COL23A1: variants seen among roughly 807,000 people sequenced by gnomAD.
The protein encoded by COL23A1 is collagen type XXIII alpha 1 chain.
Under a neutral mutation model 99.3 loss-of-function variants are expected in COL23A1, and 97 were observed. The ratio of observed to expected loss-of-function variants is 0.98; its 90% CI spans 0.83 to 1.16. COL23A1 has a LOEUF of 1.16. COL23A1 is among the 50% of genes most tolerant of loss of function. The pLI is 0.00. For missense variants in COL23A1, 762 were observed against 757.4 expected, an observed-to-expected ratio of 1.01 and a Z score of -0.07; for synonymous variants, 320 against 308.2, an observed-to-expected ratio of 1.04 and a Z score of -0.40.
At chr5:178,336,549 A>G (rs998173431) in intron 2 of COL23A1, among the ~76,000 whole-genome samples, 4 of 152,276 alleles carry the variant, frequency 2.6e-5, no homozygotes, top group African/African-American at 9.6e-5. Context: ...AACCAGAGAT[A>G]GCACAGACTG....
chr5:178,534,515 C>T (rs1037519908), intron 2 of COL23A1, among the ~76,000 whole-genome samples: 4 of 115,708 alleles, frequency 3.5e-5, no homozygotes, highest in Non-Finnish European at 8.4e-5. Context: ...GGCGGTGGCT[C>T]ACACCTGTTA....
chr5:178,527,954 A>G (rs1760408693), intron 2 of COL23A1, among the ~76,000 whole-genome samples: 1 of 152,250 alleles, frequency 6.6e-6, no homozygotes, highest in Non-Finnish European at 1.5e-5. Context: ...TTAAGTGTAC[A>G]TGAATCAGAA....
At chr5:178,509,252 C>CAAG (rs1363597859) in intron 2 of COL23A1, among the ~76,000 whole-genome samples, 2 of 147,840 alleles carry the variant, frequency 1.4e-5, no homozygotes, top group Non-Finnish European at 3.0e-5. Context: ...GACAGAGTCT[C>CAAG]ACTCTGTTGC....
chr5:178,495,622 G>C (rs1758156761), intron 2 of COL23A1, among the ~76,000 whole-genome samples: 1 of 152,126 alleles, frequency 6.6e-6, no homozygotes. Context: ...GATTATGAGG[G>C]AGGCTAGAAC....
intron 2 of COL23A1, among the ~76,000 whole-genome samples, chr5:178,390,884 T>C (rs1475535217): frequency 6.6e-6 from 1 of 152,212 alleles, no homozygotes. Context: ...AGTAGTGTGT[T>C]AATATGACAC....
At chr5:178,582,323 A>G (rs1581681028) in intron 1 of COL23A1, among the ~76,000 whole-genome samples, 1 of 151,698 alleles carries the variant, frequency 6.6e-6, no homozygotes, top group East Asian at 1.9e-4. Flanking sequence ...CGGCAGCAGG[A>G]GCTGGAGCGC....
chr5:178,405,109 C>T (rs1764688000), intron 2 of COL23A1, among the ~76,000 whole-genome samples: 1 of 152,246 alleles, frequency 6.6e-6, no homozygotes, highest in South Asian at 2.1e-4. Flanking sequence ...CCCGCATTCG[C>T]ACCACAGGCC....
chr5:178,441,254 G>A (rs1210592217), intron 2 of COL23A1, among the ~76,000 whole-genome samples: 1 of 152,176 alleles, frequency 6.6e-6, no homozygotes, highest in African/African-American at 2.4e-5. Context: ...ACACCCTACA[G>A]TTAAGACTGG....
At chr5:178,585,700 T>TCC (rs1562115431) in intron 1 of COL23A1, among the ~76,000 whole-genome samples, 18 of 142,074 alleles carry the variant, frequency 1.3e-4, no homozygotes, top group South Asian at 4.3e-4. Flanking sequence ...GGTAATGCCC[T>TCC]ACAGCCCTGG....
intron 3 of COL23A1, among the ~76,000 whole-genome samples, chr5:178,294,309 CAGCTCCCTCCCCAAATCACTACCG>C (rs1757622179): frequency 8.6e-5 from 1 of 11,640 alleles, no homozygotes; most frequent in Non-Finnish European, 3.5e-4. Context: ...AATCACTACC[CAGCTCCCTCCCCAAATCACTACCG>C]AGCTCCCTCC....
intron 2 of COL23A1, among the ~76,000 whole-genome samples, chr5:178,447,274 A>G (rs1341304265): frequency 6.6e-6 from 1 of 151,934 alleles, no homozygotes; most frequent in Non-Finnish European, 1.5e-5. Flanking sequence ...TTGTATTTTT[A>G]GTAGAGATGG....
chr5:178,408,973 A>ACAC (rs1189863769), intron 2 of COL23A1, among the ~76,000 whole-genome samples: 6 of 61,904 alleles, frequency 9.7e-5, no homozygotes, highest in South Asian at 1.2e-3. Flanking sequence ...AAAAAAAAAA[A>ACAC]ATACACACAC....
chr5:178,343,665 T>TATATA (rs33971412), intron 2 of COL23A1, among the ~76,000 whole-genome samples: 37 of 11,064 alleles, frequency 3.3e-3, no homozygotes, highest in African/African-American at 6.9e-3. Context: ...ATATATATAT[T>TATATA]TTTTTTTTTT....
At chr5:178,511,970 C>T (rs1363995770) in intron 2 of COL23A1, among the ~76,000 whole-genome samples, 4 of 152,158 alleles carry the variant, frequency 2.6e-5, no homozygotes, top group South Asian at 2.1e-4. Context: ...GTAGAGATTT[C>T]GTAACTATCT....
chr5:178,300,593 A>C (rs1002193093), intron 3 of COL23A1, among the ~76,000 whole-genome samples: 5 of 151,320 alleles, frequency 3.3e-5, no homozygotes, highest in African/African-American at 1.2e-4. Flanking sequence ...TGTGTTGTCC[A>C]GGCTGGAGTG....
At chr5:178,406,748 A>C (rs866434848) in intron 2 of COL23A1, among the ~76,000 whole-genome samples, 38 of 152,268 alleles carry the variant, frequency 2.5e-4, no homozygotes, top group African/African-American at 8.9e-4. Context: ...TTTATTTGAA[A>C]ACTTAAAATA....
intron 2 of COL23A1, among the ~76,000 whole-genome samples, chr5:178,523,201 T>TATATATATATATAGAG (rs1223542330): frequency 1.0e-3 from 81 of 77,594 alleles, no homozygotes; most frequent in Non-Finnish European, 1.7e-3. Context: ...TATATATATA[T>TATATATATATATAGAG]AGAGAGAGAG....
chr5:178,423,495 C>T (rs537432761), intron 2 of COL23A1, among the ~76,000 whole-genome samples: 2 of 152,250 alleles, frequency 1.3e-5, no homozygotes, highest in South Asian at 2.1e-4. Context: ...ATTTGCCCAG[C>T]GTAGGCTCCT....
chr5:178,429,579 C>A (rs1766141984), intron 2 of COL23A1, among the ~76,000 whole-genome samples: 2 of 152,206 alleles, frequency 1.3e-5, no homozygotes, highest in African/African-American at 4.8e-5. Flanking sequence ...TGGCTCCCCT[C>A]ACTCCCTTCT....
Sources: gnomAD v4.1 joint callset for allele counts (sites outside exome capture counted in the v4.1 genomes callset) on GRCh38, gnomAD v4.1.1 for gene constraint, MANE v1.5 for transcripts, NCBI Gene and HGNC (gene_info 2026-07-23, HGNC 2026-07-21) for gene names.